Variants in SPECC1 observed in about 807,000 individuals in gnomAD.
SPECC1 encodes cytospin-B.
Under a neutral mutation model 104.1 loss-of-function variants are expected in SPECC1, and 62 were observed. The ratio of observed to expected loss-of-function variants is 0.60; its 90% confidence interval spans 0.49 to 0.74. The LOEUF (loss-of-function observed/expected upper bound fraction) is 0.74. Ranked by LOEUF, SPECC1 falls within the 30% of genes least tolerant of loss-of-function variation. The pLI, the probability that SPECC1 is intolerant of heterozygous loss-of-function variation, is 0.00. For missense variants in SPECC1, 1,306 were observed against 1,310.5 expected (o/e 1.00, Z 0.05); for synonymous variants, 513 against 501.6 (o/e 1.02, Z -0.30).
At position 20,110,555 on chromosome 17, in the gene SPECC1, C is replaced by T. The variant is rs752241115; in HGVS notation, c.276C>T (p.Ser92=). 2.5e-4 allele frequency: 406 copies of T among 1,612,590 alleles called. No individual in the cohort carries two copies. The highest frequency in any genetic ancestry group is 3.1e-4 in the Non-Finnish European group (366 of 1,179,600). The part of the protein sequence containing the change: ...ISELTESRLR[S]GTGAFTTTKR... ...AGCTCACGGAGAGCCGCCTGAGGAG[C>T]GGCACAGGTAGGAGGGACCGGGCAG... The change falls in exon 3 of 15, where the codon AGC becomes AGT. Residue 92 remains serine (S), a synonymous_variant. Coordinates refer to ENST00000395527, the MANE Select transcript of SPECC1 (RefSeq NM_001243439.2).
chr17:20,197,951 C>CT (rs899049938), intron 3 of SPECC1, among the ~76,000 whole-genome samples: 22 of 152,120 alleles, frequency 1.4e-4, no homozygotes, highest in African/African-American at 5.1e-4. Flanking sequence ...ATTCATTCAA[C>CT]TGTTTGCATA....
intron 1 of SPECC1, among the ~76,000 whole-genome samples, chr17:20,036,801 C>T (rs2045105808): frequency 1.3e-5 from 2 of 152,154 alleles, no homozygotes; most frequent in Admixed American, 6.6e-5. Context: ...TCTTTCATTT[C>T]CCTTTCTTAT....
chr17:20,175,713 G>T (rs934467636), intron 3 of SPECC1, among the ~76,000 whole-genome samples: 2 of 152,248 alleles, frequency 1.3e-5, no homozygotes, highest in African/African-American at 4.8e-5. Flanking sequence ...TGCTGGGTAT[G>T]TGGGTACCCA....
At chr17:20,299,936 G>A (rs2041512354) in intron 13 of SPECC1, among the ~76,000 whole-genome samples, 1 of 152,198 alleles carries the variant, frequency 6.6e-6, no homozygotes, top group Non-Finnish European at 1.5e-5. Context: ...CAGGTTCCTG[G>A]GATGATGGGA....
intron 12 of SPECC1, among the ~76,000 whole-genome samples, chr17:20,295,318 G>A (rs62066878): frequency 2.5e-3 from 381 of 151,874 alleles, no homozygotes; most frequent in South Asian, 4.6e-3. Flanking sequence ...ATGGTTTCCA[G>A]CTTCATCCAT....
chr17:20,086,725 T>C (rs1457086558), intron 1 of SPECC1, among the ~76,000 whole-genome samples: 1 of 152,112 alleles, frequency 6.6e-6, no homozygotes, highest in Non-Finnish European at 1.5e-5. Context: ...GGGTGGGGGC[T>C]CTCGTTATGG....
At chr17:20,060,106 T>A (rs915828594) in intron 1 of SPECC1, among the ~76,000 whole-genome samples, 1 of 152,234 alleles carries the variant, frequency 6.6e-6, no homozygotes, top group Non-Finnish European at 1.5e-5. Flanking sequence ...GGGGCTCTTC[T>A]AAAGAATGTT....
At chr17:20,112,596 A>G in intron 3 of SPECC1, 6 of 857,446 alleles carry the variant, frequency 7.0e-6, no homozygotes, top group Non-Finnish European at 1.0e-5. Flanking sequence ...TGCTGTGCAA[A>G]TCTTAAACAA....
At chr17:20,161,726 A>T (rs1400934575) in intron 3 of SPECC1, among the ~76,000 whole-genome samples, 2 of 151,658 alleles carry the variant, frequency 1.3e-5, no homozygotes, top group Non-Finnish European at 2.9e-5. Flanking sequence ...GTAAGAGGGA[A>T]TTTCTTTTTT....
intron 3 of SPECC1, among the ~76,000 whole-genome samples, chr17:20,164,707 T>C (rs2033493012): frequency 6.6e-6 from 1 of 152,204 alleles, no homozygotes; most frequent in Non-Finnish European, 1.5e-5. Flanking sequence ...TTATATACTT[T>C]GCCCGGGTAT....
At position 20,314,053 on chromosome 17, in the gene SPECC1, C is replaced by T; in HGVS notation, c.3195C>T (p.Tyr1065=). ...VMQYVAQIYK[Y]FET is the part of the protein sequence containing the mutation. The stretch of plus-strand genomic sequence containing the variant: ...AGTACGTGGCCCAAATCTACAAGTA[C>T]TTTGAGACGTAACCCTGGAGGGCCT... Residue 1065 remains tyrosine (Y), a synonymous_variant, in exon 15 of 15, where the codon TAC becomes TAT. Coordinates refer to ENST00000395527, the MANE Select transcript of SPECC1 (RefSeq NM_001243439.2). 1 of 1,614,126 alleles carries T rather than the reference C, an allele frequency of 6.2e-7. No homozygotes were observed. The highest frequency in any genetic ancestry group is 8.5e-7 in the Non-Finnish European group (1 of 1,180,008).
At chr17:20,078,536 A>G (rs549431650) in intron 1 of SPECC1, among the ~76,000 whole-genome samples, 19 of 152,324 alleles carry the variant, frequency 1.2e-4, no homozygotes, top group Non-Finnish European at 2.4e-4. Flanking sequence ...ATGTTCCAGC[A>G]TAGAGAGAAT....
intron 3 of SPECC1, among the ~76,000 whole-genome samples, chr17:20,164,261 C>T (rs2151144856): frequency 6.6e-6 from 1 of 151,432 alleles, no homozygotes; most frequent in Admixed American, 6.6e-5. Flanking sequence ...GCAGCCTTGA[C>T]CTTCCTCTCT....
intron 5 of SPECC1, among the ~76,000 whole-genome samples, chr17:20,228,948 G>A (rs1048944899): frequency 6.6e-6 from 1 of 152,292 alleles, no homozygotes; most frequent in East Asian, 1.9e-4. Flanking sequence ...ACCCCATGCA[G>A]TCGATCCTCC....
intron 12 of SPECC1, among the ~76,000 whole-genome samples, chr17:20,270,325 G>A (rs2040358492): frequency 6.7e-6 from 1 of 148,306 alleles, no homozygotes; most frequent in African/African-American, 2.5e-5. Flanking sequence ...GAACAGACAC[G>A]ATAGCTCATG....
At chr17:20,076,233 T>C (rs2046755026) in intron 1 of SPECC1, among the ~76,000 whole-genome samples, 1 of 152,270 alleles carries the variant, frequency 6.6e-6, no homozygotes, top group South Asian at 2.1e-4. Context: ...AGAGTCTCAC[T>C]CTGTCGCCTA....
intron 1 of SPECC1, among the ~76,000 whole-genome samples, chr17:20,025,453 A>G (rs767970302): frequency 6.6e-6 from 1 of 152,206 alleles, no homozygotes; most frequent in Non-Finnish European, 1.5e-5. Flanking sequence ...TTTCCGATGC[A>G]TGGAATCATA....
intron 10 of SPECC1, 139 bp downstream of exon 10, chr17:20,253,725 A>G (rs375955469): frequency 3.2e-5 from 25 of 784,420 alleles, no homozygotes; most frequent in African/African-American, 1.6e-4. Flanking sequence ...AATAATGTAC[A>G]TATCATGAAT....
At chr17:20,154,156 TTCATTCATTTGTTC>T (rs2032255665) in intron 3 of SPECC1, among the ~76,000 whole-genome samples, 1 of 152,220 alleles carries the variant, frequency 6.6e-6, no homozygotes, top group African/African-American at 2.4e-5. Context: ...TTCATTTGTT[TTCATTCATTTGTTC>T]CGAGTCTCTG....
Sources: allele counts gnomAD v4.1 joint callset (sites outside exome capture counted in the v4.1 genomes callset), GRCh38; gene constraint gnomAD v4.1.1; transcripts MANE v1.5; gene names NCBI Gene and HGNC (gene_info 2026-07-23, HGNC 2026-07-21).